The following ANKS1B variants were observed in gnomAD, a reference collection of about 807,000 sequenced individuals.
ANKS1B encodes ankyrin repeat and sterile alpha motif domain containing 1B, also known as ankyrin repeat and sterile alpha motif domain-containing protein 1B.
In ANKS1B, 36 loss-of-function variants were observed where a neutral mutation model predicts 148.3. The observed-to-expected ratio is 0.24, with a 90% confidence interval of 0.19 to 0.32. ANKS1B has a LOEUF of 0.32. Ranked by LOEUF, ANKS1B falls within the 10% of genes least tolerant of loss-of-function variation. ANKS1B has a pLI of 1.00. For synonymous variants in ANKS1B, 542 were observed against 560.8 expected, an observed-to-expected ratio of 0.97 and a Z score of 0.47; for missense variants, 1,157 against 1,542.6, an observed-to-expected ratio of 0.75 and a Z score of 4.19.
In ANKS1B at chr12:98,807,925, T is replaced by C. The variant is rs779345065; in HGVS notation, c.3067-7A>G. The C allele has an allele frequency of 1.2e-6, 2 of 1,610,942 alleles. No individual in the cohort carries two copies. Among genetic ancestry groups the C allele is most frequent in the Admixed American group, 1.7e-5 (1 of 59,846 alleles). ...TTTCACAGACAGACGACTGCTGATA[T>C]AAACAGAAAACTATCTTATCTTGTC... On this transcript the variant is annotated splice_polypyrimidine_tract_variant and splice_region_variant and intron_variant, in intron 19 of 26. Coordinates refer to ENST00000683438, the MANE Select transcript of ANKS1B (RefSeq NM_001352186.2).
intron 10 of ANKS1B, among the ~76,000 whole-genome samples, chr12:99,486,758 T>C (rs2096495162): frequency 6.6e-6 from 1 of 152,196 alleles, no homozygotes; most frequent in Admixed American, 6.5e-5. Context: ...GACACACTCC[T>C]GTCCTAGTGC....
chr12:99,964,614 A>G (rs2095461756), intron 1 of ANKS1B, among the ~76,000 whole-genome samples: 1 of 152,232 alleles, frequency 6.6e-6, no homozygotes, highest in South Asian at 2.1e-4. Context: ...GTTAGAACCC[A>G]CACAGGGTGA....
At chr12:99,824,444 G>A (rs1288961623) in intron 2 of ANKS1B, among the ~76,000 whole-genome samples, 1 of 151,720 alleles carries the variant, frequency 6.6e-6, no homozygotes, top group Non-Finnish European at 1.5e-5. Flanking sequence ...AGGTTGCAGT[G>A]AGCCACGATT....
intron 17 of ANKS1B, among the ~76,000 whole-genome samples, chr12:99,036,085 G>A (rs960766654): frequency 6.6e-6 from 1 of 152,118 alleles, no homozygotes; most frequent in Non-Finnish European, 1.5e-5. Context: ...TTCCCTGGGG[G>A]TGATTTTGAT....
chr12:98,995,909 G>A (rs951515310), intron 17 of ANKS1B, among the ~76,000 whole-genome samples: 1 of 152,172 alleles, frequency 6.6e-6, no homozygotes, highest in African/African-American at 2.4e-5. Context: ...CAGGGAGCGA[G>A]AAAGAGCTTC....
chr12:99,688,169 T>C (rs1405384509), intron 8 of ANKS1B, among the ~76,000 whole-genome samples: 2 of 152,182 alleles, frequency 1.3e-5, no homozygotes, highest in Non-Finnish European at 2.9e-5. Context: ...TGAGAACCGC[T>C]GAGTATTGCT....
intron 6 of ANKS1B, among the ~76,000 whole-genome samples, 193 bp from the exon 7 acceptor site, chr12:99,775,854 G>A (rs930021644): frequency 6.6e-6 from 1 of 151,938 alleles, no homozygotes; most frequent in African/African-American, 2.4e-5. Flanking sequence ...AATTAAAGTT[G>A]TAATTAAAAA....
chr12:99,668,720 T>C (rs1043180339), intron 8 of ANKS1B, among the ~76,000 whole-genome samples: 5 of 103,996 alleles, frequency 4.8e-5, no homozygotes, highest in African/African-American at 2.4e-4. Context: ...GTTTTTGTTA[T>C]TTTTTTTTGT....
intron 9 of ANKS1B, among the ~76,000 whole-genome samples, chr12:99,527,533 T>C (rs2096938945): frequency 6.6e-6 from 1 of 152,196 alleles, no homozygotes; most frequent in South Asian, 2.1e-4. Context: ...TAAATCGGAA[T>C]CTCTGGTGGT....
At chr12:99,369,792 G>GATA (rs773691960) in intron 12 of ANKS1B, among the ~76,000 whole-genome samples, 167 of 68,516 alleles carry the variant, frequency 2.4e-3, no homozygotes, top group East Asian at 0.013. Flanking sequence ...ATAGATAGAT[G>GATA]GACGGACGGA....
intron 14 of ANKS1B, among the ~76,000 whole-genome samples, chr12:99,231,195 C>T (rs944566526): frequency 6.6e-6 from 1 of 152,058 alleles, no homozygotes; most frequent in African/African-American, 2.4e-5. Flanking sequence ...ACATACATGA[C>T]TATGTGGCCT....
At chr12:99,737,019 A>G (rs1427109797) in intron 8 of ANKS1B, among the ~76,000 whole-genome samples, 1 of 152,180 alleles carries the variant, frequency 6.6e-6, no homozygotes, top group Non-Finnish European at 1.5e-5. Flanking sequence ...TAGAATGACT[A>G]TTATTAAAAA....
At chr12:99,609,923 G>A (rs2097886245) in intron 9 of ANKS1B, among the ~76,000 whole-genome samples, 2 of 152,088 alleles carry the variant, frequency 1.3e-5, no homozygotes, top group South Asian at 4.2e-4. Flanking sequence ...AAGAGCTGAT[G>A]TTAGTAAATA....
chr12:99,377,981 C>T (rs2152496242), intron 12 of ANKS1B, among the ~76,000 whole-genome samples: 1 of 152,292 alleles, frequency 6.6e-6, no homozygotes, highest in East Asian at 1.9e-4. Context: ...TCAGGCCATT[C>T]CTAGCCTTTC....
At chr12:99,257,037 G>T (rs1167502032) in intron 12 of ANKS1B, among the ~76,000 whole-genome samples, 1 of 152,136 alleles carries the variant, frequency 6.6e-6, no homozygotes, top group African/African-American at 2.4e-5. Flanking sequence ...GAGGTCAGGA[G>T]ATCGAGACCA....
chr12:99,748,650 G>A (rs2060825942), intron 8 of ANKS1B, among the ~76,000 whole-genome samples: 1 of 152,018 alleles, frequency 6.6e-6, no homozygotes, highest in African/African-American at 2.4e-5. Flanking sequence ...CTAGTGGAAG[G>A]AGATAGAAAA....
chr12:98,948,499 T>C (rs572879727), intron 17 of ANKS1B, among the ~76,000 whole-genome samples: 1 of 152,314 alleles, frequency 6.6e-6, no homozygotes, highest in Non-Finnish European at 1.5e-5. Context: ...ATTGTTATGC[T>C]GTACTCTGGA....
intron 14 of ANKS1B, chr12:99,154,952 C>A: frequency 6.5e-7 from 1 of 1,535,424 alleles, no homozygotes; most frequent in Non-Finnish European, 8.7e-7. Context: ...CCTGCTGCTG[C>A]TGCTTCCTCC....
intron 1 of ANKS1B, among the ~76,000 whole-genome samples, chr12:99,944,144 C>T (rs2094993558): frequency 6.6e-6 from 1 of 152,182 alleles, no homozygotes; most frequent in Admixed American, 6.5e-5. Flanking sequence ...CACTCTTCCT[C>T]TCAGCAGCAT....
Sources: allele counts gnomAD v4.1 joint callset (sites outside exome capture counted in the v4.1 genomes callset), GRCh38; gene constraint gnomAD v4.1.1; transcripts MANE v1.5; gene names NCBI Gene and HGNC (gene_info 2026-07-23, HGNC 2026-07-21).